The following MACROD2 variants were observed in gnomAD, a reference collection of about 807,000 sequenced individuals.
The protein encoded by MACROD2 is ADP-ribose glycohydrolase MACROD2.
A neutral mutation model predicts 70.4 loss-of-function variants in MACROD2; 36 were observed. The ratio of observed to expected loss-of-function variants is 0.51; its 90% CI spans 0.39 to 0.68. The LOEUF is 0.68. MACROD2 is among the 30% of genes least tolerant of loss of function. MACROD2 has a pLI of 0.00. For synonymous variants in MACROD2, 172 were observed against 178.8 expected (o/e 0.96, Z 0.30); for missense variants, 496 against 538.4 (o/e 0.92, Z 0.78).
intron 6 of MACROD2, among the ~76,000 whole-genome samples, chr20:15,306,117 C>G (rs1277247395): frequency 5.3e-5 from 8 of 152,130 alleles, no homozygotes; most frequent in Admixed American, 5.2e-4. Context: ...ATTTAATGAT[C>G]AGTTTTCTTG....
At chr20:15,098,183 T>G (rs2075847766) in intron 5 of MACROD2, among the ~76,000 whole-genome samples, 1 of 152,116 alleles carries the variant, frequency 6.6e-6, no homozygotes, top group African/African-American at 2.4e-5. Flanking sequence ...CAATATTAAA[T>G]GCTTGATTTG....
intron 3 of MACROD2, among the ~76,000 whole-genome samples, chr20:14,485,673 G>A (rs1253045717): frequency 1.2e-5 from 1 of 82,164 alleles, no homozygotes; most frequent in Non-Finnish European, 2.2e-5. Context: ...TTGCACTCCA[G>A]CCTGGGCAAC....
rs1430938113 is a variant in MACROD2 at position 13,995,676 on chromosome 20, C to G, written c.-88C>G. ...TTTCACTTTTTCCCTGCTGAGTGCC[C>G]CCTCCCACCCCTCCCACTCCACACA... is the stretch of plus-strand genomic sequence containing the variant. On this transcript the variant is annotated 5_prime_UTR_variant, in exon 1 of 18. Transcript: ENST00000684519. The surrounding 1 kb of genome is among the most constrained non-coding windows in gnomAD (Gnocchi z 4.3). The G allele has an allele frequency of 4.5e-6, 4 of 895,874 alleles. No individual in the cohort carries two copies. The highest frequency in any genetic ancestry group is 2.4e-5 in the East Asian group (1 of 41,026). 55.5% of individuals were successfully genotyped at this position (895,874 alleles called of 1,614,324 possible). A position where few individuals can be genotyped will look rare whatever the true frequency, so the allele number is the denominator to read the frequency against.
At chr20:14,992,303 G>A (rs369743377) in intron 5 of MACROD2, among the ~76,000 whole-genome samples, 2 of 152,064 alleles carry the variant, frequency 1.3e-5, no homozygotes, top group East Asian at 1.9e-4. Flanking sequence ...AAACACAATG[G>A]TGTCTCTATC....
intron 3 of MACROD2, among the ~76,000 whole-genome samples, chr20:14,474,320 A>G (rs927142794): frequency 1.1e-4 from 16 of 152,088 alleles, no homozygotes; most frequent in African/African-American, 3.9e-4. Flanking sequence ...CATTTATTTC[A>G]TTGTGGCCAG....
intron 7 of MACROD2, among the ~76,000 whole-genome samples, chr20:15,461,164 T>G (rs978683499): frequency 1.3e-5 from 2 of 151,426 alleles, no homozygotes; most frequent in African/African-American, 4.8e-5. Flanking sequence ...CATGCCACCA[T>G]GCCTGGCTCT....
chr20:15,829,034 T>A (rs895651911), intron 8 of MACROD2, among the ~76,000 whole-genome samples: 3 of 152,222 alleles, frequency 2.0e-5, no homozygotes, highest in Non-Finnish European at 4.4e-5. Context: ...CAATAATTAT[T>A]CAATTAAAAA....
At chr20:14,495,139 A>G (rs1251123163) in intron 4 of MACROD2, among the ~76,000 whole-genome samples, 3 of 152,066 alleles carry the variant, frequency 2.0e-5, no homozygotes, top group African/African-American at 7.3e-5. Flanking sequence ...AGTAAAAAAC[A>G]TTAAAATCCA....
chr20:14,315,617 T>C (rs561447171), intron 3 of MACROD2, among the ~76,000 whole-genome samples: 1 of 152,324 alleles, frequency 6.6e-6, no homozygotes, highest in Admixed American at 6.5e-5. Context: ...TTAACTCTTA[T>C]ATGGTAAGCA....
intron 5 of MACROD2, among the ~76,000 whole-genome samples, chr20:14,690,264 T>G (rs1268688982): frequency 1.4e-5 from 2 of 145,230 alleles, no homozygotes; most frequent in Non-Finnish European, 1.5e-5. Context: ...TTCTTTTATT[T>G]CTTCTATTTA....
intron 5 of MACROD2, among the ~76,000 whole-genome samples, chr20:14,903,638 G>A (rs770287637): frequency 2.6e-5 from 4 of 152,048 alleles, no homozygotes; most frequent in South Asian, 4.1e-4. Context: ...ATTTTGACAG[G>A]TTGCAGTATT....
intron 3 of MACROD2, among the ~76,000 whole-genome samples, chr20:14,106,049 T>C (rs774595615): frequency 6.6e-6 from 1 of 152,120 alleles, no homozygotes. Context: ...CCAGCTGTGG[T>C]GGCTATGGTG....
chr20:14,081,068 A>T (rs910171364), intron 2 of MACROD2, among the ~76,000 whole-genome samples: 1 of 152,228 alleles, frequency 6.6e-6, no homozygotes, highest in African/African-American at 2.4e-5. Flanking sequence ...ATACCTGCGT[A>T]GCCCAGTTTC....
chr20:15,565,553 C>G (rs1211049651), intron 8 of MACROD2, among the ~76,000 whole-genome samples: 2 of 152,118 alleles, frequency 1.3e-5, no homozygotes, highest in African/African-American at 4.8e-5. Flanking sequence ...TATGTAGTTT[C>G]TTGAGATATA....
intron 5 of MACROD2, among the ~76,000 whole-genome samples, chr20:15,139,408 G>A (rs1229926448): frequency 6.6e-6 from 1 of 152,094 alleles, no homozygotes; most frequent in African/African-American, 2.4e-5. Context: ...AGGGGAATGT[G>A]CATTAAATCT....
intron 5 of MACROD2, among the ~76,000 whole-genome samples, chr20:14,816,014 T>G (rs1185672623): frequency 1.3e-5 from 2 of 152,102 alleles, no homozygotes; most frequent in Non-Finnish European, 2.9e-5. Context: ...TCCGGTCCCC[T>G]TAACACTATC....
chr20:15,909,152 GA>G (rs2065194344), intron 10 of MACROD2, among the ~76,000 whole-genome samples: 1 of 152,170 alleles, frequency 6.6e-6, no homozygotes, highest in Admixed American at 6.5e-5. Context: ...TCAAACAACT[GA>G]AAGCTGGAAG....
intron 3 of MACROD2, among the ~76,000 whole-genome samples, chr20:14,122,422 A>T (rs1190087348): frequency 6.6e-6 from 1 of 152,198 alleles, no homozygotes; most frequent in Non-Finnish European, 1.5e-5. Context: ...ATAGAACAGT[A>T]TATTTATTCT....
chr20:15,069,741 C>T (rs941871686), intron 5 of MACROD2, among the ~76,000 whole-genome samples: 7 of 152,238 alleles, frequency 4.6e-5, no homozygotes, highest in Non-Finnish European at 1.0e-4. Flanking sequence ...GTGAAGGAGG[C>T]TTGGTAGCTT....
Sources: allele counts gnomAD v4.1 joint callset (sites outside exome capture counted in the v4.1 genomes callset), GRCh38; gene constraint gnomAD v4.1.1; non-coding constraint Gnocchi (gnomAD v3.1); transcripts MANE v1.5; gene names NCBI Gene and HGNC (gene_info 2026-07-23, HGNC 2026-07-21).